ARHGAP20: variants seen among roughly 807,000 people sequenced by gnomAD.
ARHGAP20 encodes rho GTPase-activating protein 20.
In ARHGAP20, 34 loss-of-function variants were observed where a neutral mutation model predicts 73.7. That is an observed-to-expected ratio of 0.46 (90% CI 0.35 to 0.61). The LOEUF is 0.61. Ranked by LOEUF, ARHGAP20 falls within the 20% of genes least tolerant of loss-of-function variation. ARHGAP20 has a pLI of 0.00. For missense variants in ARHGAP20, 1,314 were observed against 1,420.9 expected, an observed-to-expected ratio of 0.92 and a Z score of 1.21; for synonymous variants, 523 against 518.2, an observed-to-expected ratio of 1.01 and a Z score of -0.13.
chr11:110,649,674 A>C (rs559540234), intron 2 of ARHGAP20, among the ~76,000 whole-genome samples: 1 of 152,208 alleles, frequency 6.6e-6, no homozygotes, highest in African/African-American at 2.4e-5. Context: ...TTTTAGACAA[A>C]AGAAAAAAAC....
chr11:110,643,845 G>C (rs150326881), intron 2 of ARHGAP20, among the ~76,000 whole-genome samples: 36 of 152,104 alleles, frequency 2.4e-4, no homozygotes, highest in Non-Finnish European at 4.6e-4. Flanking sequence ...ACTGTCAGTG[G>C]GGCCCTGAAG....
chr11:110,581,284 T>C (rs1947461640), intron 14 of ARHGAP20, 59 bp from the exon 15 acceptor site: 4 of 1,467,354 alleles, frequency 2.7e-6, no homozygotes, highest in Non-Finnish European at 3.6e-6. Context: ...TACTCATGCT[T>C]CCTTAAGAAC....
In ARHGAP20 at chr11:110,580,597, A is replaced by G; in HGVS notation, c.2349T>C (p.Ser783=). The G allele has an allele frequency of 6.2e-7, 1 of 1,614,250 alleles. No individual in the cohort carries two copies. The highest frequency in any genetic ancestry group is 8.5e-7 in the Non-Finnish European group (1 of 1,180,040). ...GTTTCACGTGATTTCCTTCACTACC[A>G]GACAAGCTTTTCTTCTTAGTGTTTT... The part of the protein sequence containing the change: ...TTQNTKKKSL[S]GSEGNHVKLF... Residue 783 remains serine, a synonymous_variant, in exon 15 of 15, where the codon TCT becomes TCC. Transcript: ENST00000683387.
Position 110,708,506 on chromosome 11 carries a change from GATAA to G in ARHGAP20, c.105+3617_105+3620del, listed in dbSNP as rs1159864142. Among the ~76,000 whole-genome samples, 8 of 152,244 alleles carry G rather than the reference GATAA, an allele frequency of 5.3e-5. No homozygotes were observed. In the South Asian group the frequency reaches 6.2e-4, roughly 12 times the overall value. ...CCAAATGCCCATCAACAGATGAATG[GATAA>G]ATAAATTGTAGTCTAGTCACATGAT... On this transcript the variant is annotated intron_variant, in intron 1 of 14. Transcript: ENST00000683387.
chr11:110,670,570 A>G (rs1949808440), intron 2 of ARHGAP20, among the ~76,000 whole-genome samples: 2 of 152,108 alleles, frequency 1.3e-5, no homozygotes, highest in African/African-American at 4.8e-5. Context: ...CATCATAATT[A>G]AAAATCTTCC....
rs1950338177 is a variant in ARHGAP20, at chr11:110,696,484, CAA to C, written c.106-5857_106-5856del. The stretch of plus-strand genomic sequence containing the variant: ...TTTTTTTATCCCATTTTTTTTGGTA[CAA>C]AAAGTTTCAGTGGCTGTCCATTTGA... On this transcript the variant is annotated intron_variant, in intron 1 of 14. Coordinates refer to ENST00000683387, the MANE Select transcript of ARHGAP20 (RefSeq NM_001384657.1). 2.0e-5 allele frequency among the ~76,000 whole-genome samples: 3 copies of C among 151,470 alleles called. No homozygotes were observed. In the South Asian group the frequency reaches 6.2e-4, roughly 32 times the overall value.
chr11:110,592,457 T>C (rs962785799), intron 9 of ARHGAP20, among the ~76,000 whole-genome samples: 5 of 152,190 alleles, frequency 3.3e-5, no homozygotes, highest in African/African-American at 9.7e-5. Context: ...GACTCCCTTA[T>C]TGAACTGTAA....
intron 2 of ARHGAP20, among the ~76,000 whole-genome samples, chr11:110,632,070 A>G (rs1181297151): frequency 6.6e-6 from 1 of 152,182 alleles, no homozygotes; most frequent in Non-Finnish European, 1.5e-5. Flanking sequence ...TAAATATGCC[A>G]GAGTTTATTC....
At chr11:110,604,736 G>T (rs533957346) in intron 9 of ARHGAP20, among the ~76,000 whole-genome samples, 1 of 152,116 alleles carries the variant, frequency 6.6e-6, no homozygotes, top group Non-Finnish European at 1.5e-5. Context: ...AGAGATGTCT[G>T]TTAACAAATT....
chr11:110,627,552 G>A (rs1408767955), intron 3 of ARHGAP20, among the ~76,000 whole-genome samples: 2 of 152,086 alleles, frequency 1.3e-5, no homozygotes, highest in Admixed American at 1.3e-4. Context: ...CTAAGATAGG[G>A]ATGTCTTATT....
At chr11:110,588,165 C>T (rs1472144695) in intron 11 of ARHGAP20, among the ~76,000 whole-genome samples, 1 of 152,170 alleles carries the variant, frequency 6.6e-6, no homozygotes, top group East Asian at 1.9e-4. Context: ...GAAATACCAC[C>T]ATCATCACAG....
At chr11:110,698,388 C>T (rs1240695819) in intron 1 of ARHGAP20, among the ~76,000 whole-genome samples, 1 of 151,568 alleles carries the variant, frequency 6.6e-6, no homozygotes, top group Non-Finnish European at 1.5e-5. Context: ...TTTTGTTTTC[C>T]ATTGTGTCCT....
intron 1 of ARHGAP20, among the ~76,000 whole-genome samples, chr11:110,700,069 G>A (rs558100828): frequency 5.9e-5 from 9 of 152,102 alleles, no homozygotes; most frequent in East Asian, 5.8e-4. Flanking sequence ...AAGAGATATA[G>A]TACTATTTTT....
At chr11:110,615,036 C>G (rs955101208) in intron 5 of ARHGAP20, among the ~76,000 whole-genome samples, 3 of 152,066 alleles carry the variant, frequency 2.0e-5, no homozygotes, top group South Asian at 2.1e-4. Flanking sequence ...ATTTAACTCC[C>G]CAGTAGGGTG....
At chr11:110,589,890 G>A (rs1221170888) in intron 11 of ARHGAP20, among the ~76,000 whole-genome samples, 2 of 152,192 alleles carry the variant, frequency 1.3e-5, no homozygotes, top group African/African-American at 2.4e-5. Context: ...GGAGGCTGAC[G>A]CAGGTGGATC....
At chr11:110,595,535 C>T (rs1947935681) in intron 9 of ARHGAP20, among the ~76,000 whole-genome samples, 1 of 152,152 alleles carries the variant, frequency 6.6e-6, no homozygotes, top group Admixed American at 6.5e-5. Flanking sequence ...AGTGAACTCC[C>T]ATTCACAATT....
At chr11:110,666,600 T>G (rs1184070659) in intron 2 of ARHGAP20, among the ~76,000 whole-genome samples, 1 of 152,220 alleles carries the variant, frequency 6.6e-6, no homozygotes, top group Admixed American at 6.5e-5. Context: ...GATATTACAT[T>G]TTTTACAAAT....
At position 110,591,988 on chromosome 11, in the gene ARHGAP20, T is replaced by G. The variant is rs761511174; in HGVS notation, c.1132A>C (p.Lys378Gln). The G allele has an allele frequency of 6.2e-7, 1 of 1,614,108 alleles. No individual in the cohort carries two copies. The highest frequency in any genetic ancestry group is 2.2e-5 in the East Asian group (1 of 44,880). ...PNICENDNLP[K>Q]PVLDMLFFLN... ...AAAATGAGCCTTACCAAGACAGGTT[T>G]GGGCAGATTGTCATTCTCACAAATA... Residue 378 changes from lysine to glutamine, a missense_variant, in exon 10 of 15, where the codon AAA becomes CAA. By Grantham distance (53) the Lys-to-Gln change is moderately conservative. This residue lies in a region of ARHGAP20 where 443 missense variants were observed against 466.4 expected (regional missense o/e 0.95). Coordinates refer to ENST00000683387, the MANE Select transcript of ARHGAP20 (RefSeq NM_001384657.1).
At chr11:110,638,846 G>A (rs1949022207) in intron 2 of ARHGAP20, among the ~76,000 whole-genome samples, 2 of 151,896 alleles carry the variant, frequency 1.3e-5, no homozygotes, top group African/African-American at 2.4e-5. Context: ...ACTGGGGACT[G>A]TTGCGGGGTG....
Sources: gnomAD v4.1 joint callset for allele counts (sites outside exome capture counted in the v4.1 genomes callset) on GRCh38, gnomAD v4.1.1 for gene constraint, gnomAD v4.1.1 regional missense constraint, MANE v1.5 for transcripts, NCBI Gene and HGNC (gene_info 2026-07-23, HGNC 2026-07-21) for gene names.